The following MED13L variants were observed in gnomAD, a reference collection of about 807,000 sequenced individuals.
MED13L encodes mediator of RNA polymerase II transcription subunit 13-like.
In MED13L, 7 loss-of-function variants were observed where a neutral mutation model predicts 220.9. The observed-to-expected ratio is 0.03, with a 90% CI of 0.02 to 0.06. The LOEUF is 0.06. MED13L is among the 10% of genes least tolerant of loss of function. The pLI, the probability that MED13L is intolerant of heterozygous loss-of-function variation, is 1.00. For missense variants in MED13L, 1,965 were observed against 2,760.5 expected (o/e 0.71, Z 6.46); for synonymous variants, 1,011 against 1,015.2 (o/e 1.00, Z 0.08).
intron 28 of MED13L, 101 bp from the exon 29 acceptor site, chr12:115,966,344 T>C (rs1876159665): frequency 1.5e-6 from 2 of 1,335,246 alleles, no homozygotes; most frequent in African/African-American, 1.4e-5. Flanking sequence ...AGTGATCCCC[T>C]TTGTGGCAGC....
At chr12:115,986,104 G>C (rs978977909) in intron 19 of MED13L, among the ~76,000 whole-genome samples, 162 bp downstream of exon 19, 17 of 152,152 alleles carry the variant, frequency 1.1e-4, no homozygotes, top group African/African-American at 4.1e-4. Context: ...AAAGCAATTT[G>C]CTTCCAGAAA....
chr12:116,061,343 G>A (rs1468140706), intron 4 of MED13L, among the ~76,000 whole-genome samples: 2 of 151,462 alleles, frequency 1.3e-5, no homozygotes, highest in Admixed American at 1.3e-4. Context: ...TTATTTTTAA[G>A]GTATACAATA....
At chr12:115,985,831 C>T (rs750493027) in intron 19 of MED13L, among the ~76,000 whole-genome samples, 7 of 152,146 alleles carry the variant, frequency 4.6e-5, no homozygotes, top group Non-Finnish European at 8.8e-5. Flanking sequence ...CAGAAATTTG[C>T]AAAAGACACA....
At position 116,236,935 on chromosome 12, in the gene MED13L, A is replaced by G. The variant is rs952565086; in HGVS notation, c.310+533T>C. ...TGAAAAACAGAAATAAAAGCAAAAG[A>G]AAATTTGCTACACCCAATTCAGACC... On this transcript the variant is annotated intron_variant, in intron 2 of 30. Coordinates refer to ENST00000281928, the MANE Select transcript of MED13L (RefSeq NM_015335.5). 6 of 882,374 alleles carry G rather than the reference A, an allele frequency of 6.8e-6. No homozygotes were observed. In the African/African-American group the frequency reaches 1.1e-4, roughly 16 times the overall value. 54.7% of individuals were successfully genotyped at this position (882,374 alleles called of 1,614,324 possible).
intron 4 of MED13L, among the ~76,000 whole-genome samples, chr12:116,065,956 T>C (rs1566039612): frequency 6.6e-6 from 1 of 152,110 alleles, no homozygotes; most frequent in Non-Finnish European, 1.5e-5. Flanking sequence ...TTAAGTAGAG[T>C]GCTCTGCCTT....
intron 4 of MED13L, among the ~76,000 whole-genome samples, chr12:116,035,426 A>T (rs914350844): frequency 2.6e-5 from 4 of 152,140 alleles, no homozygotes; most frequent in Non-Finnish European, 4.4e-5. Context: ...TCTATAAAGA[A>T]TGGTTGCAAC....
intron 14 of MED13L, among the ~76,000 whole-genome samples, chr12:115,999,167 C>CT (rs1878589409): frequency 6.6e-6 from 1 of 152,146 alleles, no homozygotes. Flanking sequence ...AATCCCAGTA[C>CT]TTTAGGAGGC....
intron 2 of MED13L, among the ~76,000 whole-genome samples, chr12:116,170,006 G>A (rs1368357376): frequency 1.3e-5 from 2 of 152,138 alleles, no homozygotes; most frequent in Non-Finnish European, 2.9e-5. Flanking sequence ...AGCAGAGTGA[G>A]ACCCCGCCTC....
In MED13L at chr12:115,997,046, T is replaced by C. The variant is rs758199945; in HGVS notation, c.2754A>G (p.Glu918=). The part of the protein sequence containing the change: ...TQLTEFKMEV[E]DGLGSPKPEE... ...CGGGCTTGGGACTTCCTAATCCATC[T>C]TCCACTTCCATTTTGAATTCTGTGA... is the stretch of plus-strand genomic sequence containing the variant. Residue 918 remains glutamate (E), a synonymous_variant, in exon 15 of 31, where the codon GAA becomes GAG. Transcript: ENST00000281928. 1.4e-5 allele frequency: 22 copies of C among 1,614,014 alleles called. No individual in the cohort carries two copies.
At chr12:116,071,642 C>G (rs952280060) in intron 4 of MED13L, among the ~76,000 whole-genome samples, 1 of 152,156 alleles carries the variant, frequency 6.6e-6, no homozygotes, top group Non-Finnish European at 1.5e-5. Context: ...AGTGCTAAAC[C>G]TCAAACAATA....
At chr12:116,116,112 G>C (rs1001475659) in intron 2 of MED13L, among the ~76,000 whole-genome samples, 7 of 152,084 alleles carry the variant, frequency 4.6e-5, no homozygotes, top group African/African-American at 1.7e-4. Flanking sequence ...GCTAAGAATG[G>C]TTTTTGTACA....
At position 116,114,939 on chromosome 12, in the gene MED13L, T is replaced by A. The variant is rs1243165220; in HGVS notation, c.311-3427A>T. Among the ~76,000 whole-genome samples the A allele has an allele frequency of 2.0e-5, 3 of 152,206 alleles. No homozygotes were observed. In the East Asian group the frequency reaches 5.8e-4, roughly 29 times the overall value. ...ATACTAACAAACGAAATAAAAAAGA[T>A]AAATAAATTGACCACAAAATAGAAA... On this transcript the variant is annotated intron_variant, in intron 2 of 30. Transcript: ENST00000281928.
intron 24 of MED13L, 91 bp from the exon 25 acceptor site, chr12:115,975,404 G>C: frequency 6.2e-7 from 1 of 1,602,586 alleles, no homozygotes; most frequent in East Asian, 2.3e-5. Context: ...AAATTCCAAA[G>C]AACCTATCCA....
chr12:116,261,745 T>C (rs767877763), intron 1 of MED13L, among the ~76,000 whole-genome samples: 8 of 152,182 alleles, frequency 5.3e-5, no homozygotes, highest in Non-Finnish European at 1.0e-4. Context: ...GCAAATGCCA[T>C]AAAACCAAGA....
At chr12:116,210,985 G>C (rs1357707403) in intron 2 of MED13L, among the ~76,000 whole-genome samples, 1 of 152,084 alleles carries the variant, frequency 6.6e-6, no homozygotes, top group African/African-American at 2.4e-5. Flanking sequence ...CAACCACAAT[G>C]AATAAACTCG....
chr12:116,012,780 C>G lies in MED13L; in HGVS notation c.1280+17G>C, dbSNP rs774094658. On this transcript the variant is annotated intron_variant, in intron 9 of 30. Transcript: ENST00000281928. ...CATCATTCGATCCATTACTATTTTG[C>G]CTTTTTTATTACCTACCTGGAACAA... 1 of 1,569,332 alleles carries G rather than the reference C, an allele frequency of 6.4e-7. No individual in the cohort carries two copies. The highest frequency in any genetic ancestry group is 1.1e-5 in the South Asian group (1 of 90,102).
chr12:116,267,279 A>C (rs1345442378), intron 1 of MED13L, among the ~76,000 whole-genome samples: 1 of 152,204 alleles, frequency 6.6e-6, no homozygotes, highest in Non-Finnish European at 1.5e-5. Flanking sequence ...TAAAAACTAA[A>C]AATGAATTTC....
chr12:116,196,616 C>G (rs543653783), intron 2 of MED13L, among the ~76,000 whole-genome samples: 11 of 152,136 alleles, frequency 7.2e-5, no homozygotes, highest in Non-Finnish European at 4.4e-5. Flanking sequence ...AAAAGCAAAC[C>G]TACTGCCATC....
chr12:116,254,321 G>A (rs1050399005), intron 1 of MED13L, among the ~76,000 whole-genome samples: 2 of 151,932 alleles, frequency 1.3e-5, no homozygotes, highest in African/African-American at 2.4e-5. Flanking sequence ...ACATCATCAC[G>A]TACGTTTTTT....
Sources: gnomAD v4.1 joint callset for allele counts (sites outside exome capture counted in the v4.1 genomes callset) on GRCh38, gnomAD v4.1.1 for gene constraint, MANE v1.5 for transcripts, NCBI Gene and HGNC (gene_info 2026-07-23, HGNC 2026-07-21) for gene names.